SPAG16: variants seen among roughly 807,000 people sequenced by gnomAD.
SPAG16 encodes sperm associated antigen 16.
In SPAG16, 86 loss-of-function variants were observed where a neutral mutation model predicts 80.4. That is an observed-to-expected ratio of 1.07 (90% CI 0.90 to 1.28). The LOEUF is 1.28. Ranked by LOEUF, SPAG16 falls within the 50% of genes most tolerant of loss-of-function variation. SPAG16 has a pLI of 0.00. For missense variants in SPAG16, 870 were observed against 765.3 expected, an observed-to-expected ratio of 1.14 and a Z score of -1.61; for synonymous variants, 294 against 265.9, an observed-to-expected ratio of 1.11 and a Z score of -1.03.
intron 15 of SPAG16, among the ~76,000 whole-genome samples, chr2:214,385,965 T>TA (rs1700725706): frequency 6.6e-6 from 1 of 152,268 alleles, no homozygotes. Flanking sequence ...TTTGCTGGTT[T>TA]CCATTTGCTT....
intron 10 of SPAG16, among the ~76,000 whole-genome samples, chr2:213,622,104 T>C (rs1374793595): frequency 1.3e-5 from 2 of 152,212 alleles, no homozygotes; most frequent in Non-Finnish European, 2.9e-5. Flanking sequence ...CAATTAAAGA[T>C]GAGTGCATTT....
intron 15 of SPAG16, among the ~76,000 whole-genome samples, chr2:214,334,118 G>A (rs1697117463): frequency 1.3e-5 from 2 of 152,118 alleles, no homozygotes; most frequent in South Asian, 4.1e-4. Flanking sequence ...GTAGGGCTGA[G>A]GGATACATGT....
chr2:213,611,600 C>T (rs1375870725), intron 10 of SPAG16, among the ~76,000 whole-genome samples: 6 of 152,140 alleles, frequency 3.9e-5, no homozygotes, highest in Non-Finnish European at 7.4e-5. Flanking sequence ...CAGATAGCTA[C>T]ACCATTAAAT....
intron 15 of SPAG16, among the ~76,000 whole-genome samples, chr2:214,285,695 C>T (rs1299884862): frequency 2.6e-5 from 4 of 152,022 alleles, no homozygotes; most frequent in Admixed American, 6.6e-5. Context: ...TCCAGCTACT[C>T]AGGAGGCTGA....
At chr2:213,298,752 G>T (rs1471893854) in intron 3 of SPAG16, among the ~76,000 whole-genome samples, 2 of 152,142 alleles carry the variant, frequency 1.3e-5, no homozygotes, top group Non-Finnish European at 2.9e-5. Context: ...CAATTTATTG[G>T]AAGCTTTTCT....
chr2:213,919,978 G>C (rs559887014), intron 11 of SPAG16, among the ~76,000 whole-genome samples: 1 of 152,150 alleles, frequency 6.6e-6, no homozygotes, highest in East Asian at 1.9e-4. Flanking sequence ...CTTCTGTGTT[G>C]AATGCATATA....
At chr2:214,087,179 A>G (rs2051824651) in intron 13 of SPAG16, among the ~76,000 whole-genome samples, 1 of 151,472 alleles carries the variant, frequency 6.6e-6, no homozygotes, top group Non-Finnish European at 1.5e-5. Flanking sequence ...TCTTGCAACA[A>G]AATGATAATG....
intron 10 of SPAG16, among the ~76,000 whole-genome samples, chr2:213,513,423 A>G (rs938991056): frequency 6.6e-6 from 1 of 152,082 alleles, no homozygotes; most frequent in African/African-American, 2.4e-5. Flanking sequence ...CAGTTATAAA[A>G]TAAGTTTATT....
At chr2:213,427,229 A>G (rs1427781989) in intron 9 of SPAG16, among the ~76,000 whole-genome samples, 1 of 152,182 alleles carries the variant, frequency 6.6e-6, no homozygotes, top group African/African-American at 2.4e-5. Flanking sequence ...ATCACACTCA[A>G]GTTGCTCATC....
chr2:213,438,904 T>A (rs1293223196), intron 9 of SPAG16, among the ~76,000 whole-genome samples: 1 of 152,214 alleles, frequency 6.6e-6, no homozygotes, highest in Admixed American at 6.5e-5. Context: ...ATTTATATTG[T>A]TAACTTTCTG....
At position 214,174,305 on chromosome 2, in the gene SPAG16, T is replaced by C. The variant is rs963885031; in HGVS notation, c.1720+25039T>C. 3.1e-3 allele frequency among the ~76,000 whole-genome samples: 470 copies of C among 152,068 alleles called. 4 individuals carry two copies. Among genetic ancestry groups the C allele is most frequent in the Non-Finnish European group, 4.0e-3 (274 of 67,924 alleles). On this transcript the variant is annotated intron_variant, in intron 15 of 15. Transcript: ENST00000331683. ...AAGTCAAATTGTCCCTGTTTGCAGA[T>C]GACATGATTGTATATCTAGAAAACC...
chr2:213,941,934 C>G (rs550950409), intron 12 of SPAG16, among the ~76,000 whole-genome samples: 2 of 152,304 alleles, frequency 1.3e-5, no homozygotes, highest in South Asian at 4.1e-4. Context: ...TGTAGGTTTT[C>G]TACTCTGTGA....
intron 15 of SPAG16, among the ~76,000 whole-genome samples, chr2:214,176,954 T>TA (rs990092881): frequency 2.0e-5 from 3 of 151,188 alleles, no homozygotes; most frequent in Non-Finnish European, 4.4e-5. Context: ...AAGCTTTTTT[T>TA]AAAAAAATTT....
intron 13 of SPAG16, among the ~76,000 whole-genome samples, chr2:214,047,401 G>A (rs2049388078): frequency 6.6e-6 from 1 of 152,028 alleles, no homozygotes; most frequent in Admixed American, 6.6e-5. Context: ...CACCTACAGT[G>A]AACTCACTTT....
At chr2:213,999,550 A>C (rs1575778547) in intron 12 of SPAG16, among the ~76,000 whole-genome samples, 1 of 152,246 alleles carries the variant, frequency 6.6e-6, no homozygotes, top group African/African-American at 2.4e-5. Context: ...TGGAGCCCCC[A>C]TACACAGTCC....
intron 10 of SPAG16, among the ~76,000 whole-genome samples, chr2:213,729,669 C>T (rs1050925146): frequency 1.3e-5 from 2 of 152,110 alleles, no homozygotes; most frequent in African/African-American, 4.8e-5. Context: ...GAATTTCTAC[C>T]GATTAATGTA....
chr2:213,735,442 C>T (rs1369078612), intron 10 of SPAG16, among the ~76,000 whole-genome samples: 1 of 152,116 alleles, frequency 6.6e-6, no homozygotes, highest in African/African-American at 2.4e-5. Flanking sequence ...AAATTCCAAA[C>T]AGAATGTTAC....
intron 15 of SPAG16, among the ~76,000 whole-genome samples, chr2:214,363,649 G>A (rs1699311802): frequency 1.3e-5 from 2 of 152,074 alleles, no homozygotes; most frequent in South Asian, 4.2e-4. Context: ...GAGTACACAA[G>A]CAATGGCAGG....
At chr2:213,697,744 T>A (rs1242217433) in intron 10 of SPAG16, among the ~76,000 whole-genome samples, 1 of 152,170 alleles carries the variant, frequency 6.6e-6, no homozygotes, top group Non-Finnish European at 1.5e-5. Context: ...CTTCATTCCT[T>A]TCCTTTGTAT....
Sources: gnomAD v4.1 joint callset for allele counts (sites outside exome capture counted in the v4.1 genomes callset) on GRCh38, gnomAD v4.1.1 for gene constraint, MANE v1.5 for transcripts, NCBI Gene and HGNC (gene_info 2026-07-23, HGNC 2026-07-21) for gene names.